KHDRBS2: variants seen among roughly 807,000 people sequenced by gnomAD.
KHDRBS2 encodes the protein KH domain-containing, RNA-binding, signal transduction-associated protein 2.
A neutral mutation model predicts 44.3 loss-of-function variants in KHDRBS2; 26 were observed. That is an observed-to-expected ratio of 0.59 (90% confidence interval 0.43 to 0.81). The LOEUF is 0.81. KHDRBS2 is among the 40% of genes least tolerant of loss of function. The pLI is 0.00. For synonymous variants in KHDRBS2, 194 were observed against 151.1 expected (o/e 1.28, Z -2.08); for missense variants, 476 against 433.1 (o/e 1.10, Z -0.88).
chr6:61,646,849 T>C, the KHDRBS2 span, among the ~76,000 whole-genome samples: 1 of 152,156 alleles, frequency 6.6e-6, no homozygotes, highest in Non-Finnish European at 1.5e-5. Context: ...AGACTGAGTC[T>C]CACTCAGTCG....
intron 1 of KHDRBS2, among the ~76,000 whole-genome samples, chr6:62,215,057 G>A (rs1430456391): frequency 6.6e-6 from 1 of 151,830 alleles, no homozygotes; most frequent in African/African-American, 2.4e-5. Flanking sequence ...TCCTTAGAAA[G>A]CTAACAGAGG....
chr6:61,972,551 G>T (rs975535984), intron 4 of KHDRBS2, among the ~76,000 whole-genome samples: 3 of 152,268 alleles, frequency 2.0e-5, no homozygotes, highest in Admixed American at 6.5e-5. Flanking sequence ...GAATTAATTG[G>T]TTTTGAGATA....
the KHDRBS2 span, among the ~76,000 whole-genome samples, chr6:61,571,962 C>T: frequency 6.6e-6 from 1 of 151,766 alleles, no homozygotes; most frequent in East Asian, 1.9e-4. Context: ...AAAAATTTAA[C>T]AAAGATAAAT....
intron 2 of KHDRBS2, among the ~76,000 whole-genome samples, chr6:62,142,959 C>T (rs1157755512): frequency 1.3e-5 from 2 of 148,910 alleles, no homozygotes; most frequent in African/African-American, 5.1e-5. Context: ...TCAATATCCC[C>T]ATAACAAAGA....
chr6:61,722,299 C>T (rs938750232), intron 7 of KHDRBS2, among the ~76,000 whole-genome samples: 27 of 151,904 alleles, frequency 1.8e-4, no homozygotes, highest in African/African-American at 6.0e-4. Flanking sequence ...TGGTGAAACA[C>T]CTTTTCTGAT....
At chr6:61,856,389 A>G (rs2127290958) in intron 6 of KHDRBS2, among the ~76,000 whole-genome samples, 1 of 152,198 alleles carries the variant, frequency 6.6e-6, no homozygotes, top group East Asian at 1.9e-4. Flanking sequence ...ACTTCTATGC[A>G]ATAGTCACTT....
chr6:61,724,800 A>T (rs1679673338), intron 7 of KHDRBS2, among the ~76,000 whole-genome samples: 1 of 152,178 alleles, frequency 6.6e-6, no homozygotes, highest in African/African-American at 2.4e-5. Context: ...GAACAACCAG[A>T]TTCATAAAAC....
intron 4 of KHDRBS2, among the ~76,000 whole-genome samples, chr6:61,971,454 T>A (rs1771394796): frequency 6.6e-6 from 1 of 152,094 alleles, no homozygotes; most frequent in Non-Finnish European, 1.5e-5. Context: ...AAAGTAAGAA[T>A]TAGTTGCTAG....
chr6:62,248,998 C>A (rs1257578577), intron 1 of KHDRBS2, among the ~76,000 whole-genome samples: 1 of 152,162 alleles, frequency 6.6e-6, no homozygotes, highest in African/African-American at 2.4e-5. Context: ...ATAAATAATT[C>A]TTTACATTTT....
chr6:61,924,563 G>T (rs1808623038), intron 4 of KHDRBS2, among the ~76,000 whole-genome samples: 7 of 150,154 alleles, frequency 4.7e-5, no homozygotes, highest in Admixed American at 4.0e-4. Flanking sequence ...TCTAACAGTA[G>T]TCTTTTGATT....
At chr6:61,712,203 G>A (rs1480196114) in intron 7 of KHDRBS2, among the ~76,000 whole-genome samples, 2 of 151,706 alleles carry the variant, frequency 1.3e-5, no homozygotes, top group African/African-American at 4.8e-5. Context: ...ATACATTACA[G>A]CAAAAAGTCA....
At chr6:62,221,201 C>A (rs1330518353) in intron 1 of KHDRBS2, among the ~76,000 whole-genome samples, 10 of 151,334 alleles carry the variant, frequency 6.6e-5, no homozygotes, top group Non-Finnish European at 1.3e-4. Context: ...TGACATAAAC[C>A]AGACATAAAA....
intron 2 of KHDRBS2, among the ~76,000 whole-genome samples, chr6:62,122,394 G>A (rs1462620804): frequency 6.6e-6 from 1 of 152,148 alleles, no homozygotes; most frequent in African/African-American, 2.4e-5. Context: ...GACTTGAACT[G>A]CCTATCATGA....
intron 2 of KHDRBS2, among the ~76,000 whole-genome samples, chr6:62,102,189 C>T (rs1308309799): frequency 6.6e-6 from 1 of 151,804 alleles, no homozygotes; most frequent in Non-Finnish European, 1.5e-5. Context: ...AAGAATAAAC[C>T]CAAAGTTTTT....
chr6:61,932,747 C>A (rs997520237), intron 4 of KHDRBS2, among the ~76,000 whole-genome samples: 1 of 152,114 alleles, frequency 6.6e-6, no homozygotes, highest in African/African-American at 2.4e-5. Context: ...GAGCCGAGAT[C>A]AGGCCACTGC....
At chr6:61,655,221 T>TACACAC in the KHDRBS2 span, among the ~76,000 whole-genome samples, 3 of 112,166 alleles carry the variant, frequency 2.7e-5, no homozygotes, top group South Asian at 3.3e-4. Flanking sequence ...AATACATACA[T>TACACAC]ACATACACAC....
the KHDRBS2 span, among the ~76,000 whole-genome samples, chr6:61,623,956 T>TAGATACAA: frequency 1.3e-5 from 2 of 152,106 alleles, no homozygotes. Context: ...ATCTACTTTG[T>TAGATACAA]AGGAGAGGAA....
At chr6:61,841,215 A>G (rs926760083) in intron 6 of KHDRBS2, among the ~76,000 whole-genome samples, 1 of 152,162 alleles carries the variant, frequency 6.6e-6, no homozygotes, top group African/African-American at 2.4e-5. Context: ...CTACTTAAAT[A>G]CTTTGAAAAC....
At chr6:62,027,716 A>C (rs1185374202) in intron 3 of KHDRBS2, among the ~76,000 whole-genome samples, 1 of 152,110 alleles carries the variant, frequency 6.6e-6, no homozygotes, top group East Asian at 1.9e-4. Flanking sequence ...ATAATAACCC[A>C]AAAGGACAAA....
Sources: gnomAD v4.1 joint callset for allele counts (sites outside exome capture counted in the v4.1 genomes callset) on GRCh38, gnomAD v4.1.1 for gene constraint, MANE v1.5 for transcripts, NCBI Gene and HGNC (gene_info 2026-07-23, HGNC 2026-07-21) for gene names.